The following FHIT variants were observed in gnomAD, a reference collection of about 807,000 sequenced individuals.
FHIT encodes the protein fragile histidine triad diadenosine triphosphatase, also known as bis(5'-adenosyl)-triphosphatase.
Under a neutral mutation model 17.9 loss-of-function variants are expected in FHIT, and 19 were observed. The ratio of observed to expected loss-of-function variants is 1.06; its 90% CI spans 0.74 to 1.56. The LOEUF (loss-of-function observed/expected upper bound fraction) is 1.56. Ranked by LOEUF, FHIT falls within the 40% of genes most tolerant of loss-of-function variation. The pLI, the probability that FHIT is intolerant of heterozygous loss-of-function variation, is 0.00. For synonymous variants in FHIT, 81 were observed against 69.7 expected (o/e 1.16, Z -0.81); for missense variants, 248 against 189.2 (o/e 1.31, Z -1.82).
At chr3:60,798,240 A>T (rs1353199589) in intron 4 of FHIT, among the ~76,000 whole-genome samples, 1 of 152,154 alleles carries the variant, frequency 6.6e-6, no homozygotes, top group Non-Finnish European at 1.5e-5. Context: ...AAAAAAAACC[A>T]CCTTGATTAT....
intron 8 of FHIT, among the ~76,000 whole-genome samples, chr3:59,886,939 A>C (rs1216370254): frequency 6.6e-6 from 1 of 152,214 alleles, no homozygotes; most frequent in African/African-American, 2.4e-5. Context: ...CAGGGCTACC[A>C]GAGAACCAGA....
chr3:59,836,867 C>T (rs1022686713), intron 8 of FHIT, among the ~76,000 whole-genome samples: 1 of 152,074 alleles, frequency 6.6e-6, no homozygotes, highest in African/African-American at 2.4e-5. Context: ...TAAATGAGGC[C>T]CCTGCAAAGG....
intron 8 of FHIT, among the ~76,000 whole-genome samples, chr3:59,829,756 T>C (rs1281515232): frequency 2.6e-5 from 4 of 152,162 alleles, no homozygotes; most frequent in Non-Finnish European, 4.4e-5. Context: ...CTCTCTCTTA[T>C]TCTGTCTCAG....
chr3:60,446,559 T>C (rs478899), intron 5 of FHIT, among the ~76,000 whole-genome samples: 76,089 of 151,856 alleles, frequency 0.5, 21,345 homozygotes, highest in African/African-American at 0.75. Flanking sequence ...ACCTCAGCCC[T>C]AGGAGACTAT....
chr3:60,865,486 C>A (rs1267014904), intron 3 of FHIT, among the ~76,000 whole-genome samples: 1 of 152,086 alleles, frequency 6.6e-6, no homozygotes, highest in Non-Finnish European at 1.5e-5. Context: ...TAATAAAATT[C>A]AGTTTATTTT....
In FHIT at chr3:59,948,970, G is replaced by A. The variant is rs368861531; in HGVS notation, c.280-26556C>T. ...CTACTGTGTGAAGCTGAGGTTTGGG[G>A]GATGAATGATCCTGTTACCCAGGCA... On this transcript the variant is annotated intron_variant, in intron 7 of 9. Coordinates refer to ENST00000492590, the MANE Select transcript of FHIT (RefSeq NM_002012.4). Among the ~76,000 whole-genome samples the A allele has an allele frequency of 2.0e-5, 3 of 152,130 alleles. No homozygotes were observed. In the East Asian group the frequency reaches 5.8e-4, roughly 29 times the overall value.
At chr3:60,066,579 C>T (rs183330956) in intron 5 of FHIT, among the ~76,000 whole-genome samples, 1 of 148,624 alleles carries the variant, frequency 6.7e-6, no homozygotes, top group East Asian at 2.0e-4. Context: ...CATGGGCCAC[C>T]TTGTACTGTT....
chr3:60,498,919 G>C (rs1048934973), intron 5 of FHIT, among the ~76,000 whole-genome samples: 1 of 152,144 alleles, frequency 6.6e-6, no homozygotes, highest in African/African-American at 2.4e-5. Flanking sequence ...GCTGTAAAAT[G>C]TTTTGTGAAT....
Position 60,405,603 on chromosome 3 carries a change from G to T in FHIT, c.103+131257C>A, listed in dbSNP as rs184220380. On this transcript the variant is annotated intron_variant, in intron 5 of 9. Transcript: ENST00000492590. Reference sequence around the variant, plus strand: ...GGGCTGACTGGGCAGGGCGCCCCCTGTGGCAGGTAGAGTGCCCCAAGAGAA... The same window carrying T: ...GGGCTGACTGGGCAGGGCGCCCCCTTTGGCAGGTAGAGTGCCCCAAGAGAA... Among the ~76,000 whole-genome samples, 311 of 152,344 alleles carry T rather than the reference G, an allele frequency of 2.0e-3. 5 individuals are homozygous for T. The highest frequency in any genetic ancestry group is 1.7e-3 in the Non-Finnish European group (117 of 68,034).
At chr3:60,086,477 C>T (rs1367963134) in intron 5 of FHIT, among the ~76,000 whole-genome samples, 1 of 152,166 alleles carries the variant, frequency 6.6e-6, no homozygotes, top group Non-Finnish European at 1.5e-5. Flanking sequence ...AGTTTAAAGT[C>T]CGAAGTCTCA....
At chr3:59,997,110 C>T (rs1439217675) in intron 7 of FHIT, among the ~76,000 whole-genome samples, 1 of 152,094 alleles carries the variant, frequency 6.6e-6, no homozygotes, top group East Asian at 1.9e-4. Context: ...GTTCCTATAC[C>T]ATCTGGATGC....
chr3:61,079,670 G>A (rs151321585), intron 2 of FHIT, among the ~76,000 whole-genome samples: 1,682 of 152,150 alleles, frequency 0.011, 18 homozygotes, highest in Non-Finnish European at 0.016. Flanking sequence ...GCACACATGC[G>A]TGTGCACACA....
At chr3:61,050,759 T>C (rs549025919) in intron 2 of FHIT, among the ~76,000 whole-genome samples, 93 of 152,340 alleles carry the variant, frequency 6.1e-4, no homozygotes, top group African/African-American at 2.1e-3. Flanking sequence ...TCTACATTTG[T>C]GTATATTTGA....
intron 5 of FHIT, among the ~76,000 whole-genome samples, chr3:60,158,091 G>A (rs1183969407): frequency 1.3e-5 from 2 of 152,148 alleles, no homozygotes; most frequent in Admixed American, 1.3e-4. Flanking sequence ...AAGACAGATG[G>A]AAGTATTCTG....
chr3:60,778,818 G>A (rs1458995867), intron 4 of FHIT, among the ~76,000 whole-genome samples: 2 of 152,160 alleles, frequency 1.3e-5, no homozygotes, highest in Non-Finnish European at 2.9e-5. Context: ...CCTTTAAGGA[G>A]TCAAGCTCAA....
At chr3:60,660,725 T>C (rs2040220367) in intron 4 of FHIT, among the ~76,000 whole-genome samples, 1 of 136,052 alleles carries the variant, frequency 7.4e-6, no homozygotes, top group Non-Finnish European at 1.5e-5. Flanking sequence ...TCTTTTATTG[T>C]GCTCTTTTTT....
intron 4 of FHIT, among the ~76,000 whole-genome samples, chr3:60,593,889 A>G (rs2038174283): frequency 6.6e-6 from 1 of 152,150 alleles, no homozygotes; most frequent in Non-Finnish European, 1.5e-5. Flanking sequence ...AATTCCTATG[A>G]GATGGGAGGC....
intron 3 of FHIT, among the ~76,000 whole-genome samples, chr3:61,014,807 A>AAAAAAAAAT (rs1553798839): frequency 2.0e-5 from 1 of 49,102 alleles, no homozygotes; most frequent in African/African-American, 5.4e-5. Flanking sequence ...AAAAAAAAAA[A>AAAAAAAAAT]ATATATATAT....
intron 5 of FHIT, among the ~76,000 whole-genome samples, chr3:60,264,835 TC>T (rs1295222302): frequency 6.7e-6 from 1 of 149,742 alleles, no homozygotes; most frequent in African/African-American, 2.4e-5. Context: ...GACTTTCACC[TC>T]ACTGTTTCTC....
Sources: allele counts gnomAD v4.1 joint callset (sites outside exome capture counted in the v4.1 genomes callset), GRCh38; gene constraint gnomAD v4.1.1; transcripts MANE v1.5; gene names NCBI Gene and HGNC (gene_info 2026-07-23, HGNC 2026-07-21).